TAF4: variants seen among roughly 807,000 people sequenced by gnomAD.
TAF4 encodes the protein transcription initiation factor TFIID subunit 4.
Under a neutral mutation model 90.3 loss-of-function variants are expected in TAF4, and 9 were observed. That is an observed-to-expected ratio of 0.10 (90% CI 0.06 to 0.17). TAF4 has a LOEUF of 0.17. TAF4 is among the 10% of genes least tolerant of loss of function. The pLI is 1.00. For synonymous variants in TAF4, 818 were observed against 638.9 expected, an observed-to-expected ratio of 1.28 and a Z score of -4.23; for missense variants, 1,351 against 1,370.7, an observed-to-expected ratio of 0.99 and a Z score of 0.23.
chr20:61,994,572 G>C (rs1272828194), intron 14 of TAF4, among the ~76,000 whole-genome samples: 1 of 152,156 alleles, frequency 6.6e-6, no homozygotes, highest in African/African-American at 2.4e-5. Context: ...GTTACACCTG[G>C]AGTCCCTCCT....
rs554603146 is a variant in TAF4 at position 62,014,473 on chromosome 20, G to A, written c.1521+74C>T. The A allele has an allele frequency of 1.9e-5, 28 of 1,477,346 alleles. 1 individual carries two copies. In the East Asian group the frequency reaches 6.6e-4, roughly 35 times the overall value. The allele number at this position is 1,477,346 out of a possible 1,614,324, so 91.5% of individuals were successfully genotyped here. A position where few individuals can be genotyped will look rare whatever the true frequency, so the allele number is the denominator to read the frequency against. ...CCCATGGCTGTGCCTGGCCCTTGCAGGTTTCCCCAGCATGCGTGGGGAGAG... is the reference window on the plus strand; with the variant it reads ...CCCATGGCTGTGCCTGGCCCTTGCAAGTTTCCCCAGCATGCGTGGGGAGAG... On this transcript the variant is annotated intron_variant, in intron 2 of 14. Transcript: ENST00000252996.
chr20:62,055,499 C>T (rs530755506), intron 1 of TAF4, among the ~76,000 whole-genome samples: 4 of 152,342 alleles, frequency 2.6e-5, no homozygotes, highest in East Asian at 3.9e-4. Context: ...AAAATCAATT[C>T]ACACTGCCTG....
chr20:62,030,566 T>C (rs1382823469), intron 1 of TAF4, among the ~76,000 whole-genome samples: 1 of 152,234 alleles, frequency 6.6e-6, no homozygotes, highest in Non-Finnish European at 1.5e-5. Flanking sequence ...CAATTAGCCC[T>C]GAAGCCAGAG....
intron 1 of TAF4, among the ~76,000 whole-genome samples, chr20:62,026,773 C>A (rs2055877341): frequency 1.3e-5 from 2 of 152,220 alleles, no homozygotes; most frequent in Admixed American, 1.3e-4. Flanking sequence ...TTGCTGCCGC[C>A]CCGTGAGTGG....
intron 1 of TAF4, among the ~76,000 whole-genome samples, chr20:62,032,493 G>C (rs897518463): frequency 7.9e-5 from 12 of 152,260 alleles, no homozygotes; most frequent in African/African-American, 2.9e-4. Context: ...GCCACAGGCA[G>C]CGCCTGCTGT....
intron 14 of TAF4, among the ~76,000 whole-genome samples, chr20:61,978,098 G>A (rs2055507939): frequency 8.4e-6 from 1 of 119,076 alleles, no homozygotes; most frequent in Non-Finnish European, 1.8e-5. Context: ...ACCAACCAAG[G>A]GAGGGCGCGA....
chr20:62,047,882 C>T (rs2056002616), intron 1 of TAF4, among the ~76,000 whole-genome samples: 2 of 152,230 alleles, frequency 1.3e-5, no homozygotes, highest in Admixed American at 1.3e-4. Flanking sequence ...TTTTTATAAA[C>T]ACCAGCACCC....
chr20:62,063,268 C>T (rs1460298043), intron 1 of TAF4, among the ~76,000 whole-genome samples: 2 of 152,216 alleles, frequency 1.3e-5, no homozygotes, highest in Non-Finnish European at 2.9e-5. Context: ...CCTTTCACTT[C>T]TGAAGATTCT....
intron 14 of TAF4, among the ~76,000 whole-genome samples, chr20:61,982,813 C>G (rs977203664): frequency 6.6e-6 from 1 of 152,226 alleles, no homozygotes; most frequent in African/African-American, 2.4e-5. Context: ...GACGGCAGGG[C>G]TGCCGGGGAG....
intron 1 of TAF4, among the ~76,000 whole-genome samples, chr20:62,054,101 A>G (rs745325883): frequency 6.6e-6 from 1 of 152,216 alleles, no homozygotes; most frequent in Non-Finnish European, 1.5e-5. Flanking sequence ...CACTCAGGAT[A>G]TTCCCTTCTG....
rs985476081 is a variant in TAF4, at chr20:62,029,053, G to A, written c.1361-14346C>T. Among the ~76,000 whole-genome samples, 6 of 152,076 alleles carry A rather than the reference G, an allele frequency of 3.9e-5. 1 individual carries two copies. The highest frequency in any genetic ancestry group is 2.9e-5 in the Non-Finnish European group (2 of 67,996). The stretch of plus-strand genomic sequence containing the variant: ...CCACTAAAAATACAAAAAATTAGCC[G>A]GGCACGGTGGTGGGCGCCTGTAGTC... On this transcript the variant is annotated intron_variant, in intron 1 of 14. Transcript: ENST00000252996.
At chr20:61,997,182 G>C (rs1204616094) in intron 14 of TAF4, among the ~76,000 whole-genome samples, 1 of 152,112 alleles carries the variant, frequency 6.6e-6, no homozygotes, top group African/African-American at 2.4e-5. Context: ...TTCATTCCAC[G>C]AACTGTCCAT....
chr20:62,047,524 C>T (rs184590170), intron 1 of TAF4, among the ~76,000 whole-genome samples: 1 of 152,308 alleles, frequency 6.6e-6, no homozygotes, highest in Admixed American at 6.5e-5. Flanking sequence ...ACCCTCCCCA[C>T]CCCCGCACAA....
intron 14 of TAF4, among the ~76,000 whole-genome samples, chr20:61,984,067 G>A (rs1371204314): frequency 3.3e-5 from 5 of 152,200 alleles, no homozygotes; most frequent in Non-Finnish European, 7.3e-5. Context: ...GCTAGCAGCA[G>A]TCATGGAACA....
At chr20:62,041,696 T>A (rs2055964680) in intron 1 of TAF4, among the ~76,000 whole-genome samples, 3 of 150,492 alleles carry the variant, frequency 2.0e-5, no homozygotes, top group Admixed American at 2.0e-4. Context: ...TTTGAGCGGG[T>A]GAGATGGGAA....
intron 14 of TAF4, 34 bp downstream of exon 14, chr20:61,997,516 C>T (rs1418565095): frequency 1.3e-6 from 2 of 1,520,252 alleles, no homozygotes; most frequent in Non-Finnish European, 8.8e-7. Context: ...CCCCATGTTT[C>T]CCCCAGGACC....
chr20:62,032,583 C>T (rs1407505007), intron 1 of TAF4, among the ~76,000 whole-genome samples: 2 of 152,260 alleles, frequency 1.3e-5, no homozygotes, highest in African/African-American at 4.8e-5. Flanking sequence ...ATCCCCAGCA[C>T]TCAACTCCCA....
chr20:62,027,483 G>C (rs145408584), intron 1 of TAF4, among the ~76,000 whole-genome samples: 2 of 152,110 alleles, frequency 1.3e-5, no homozygotes, highest in African/African-American at 4.8e-5. Flanking sequence ...AATCTCTTAA[G>C]TTCACACAAA....
Position 62,014,686 on chromosome 20 carries a change from T to G in TAF4, c.1382A>C (p.Glu461Ala). 1 of 1,613,844 alleles carries G rather than the reference T, an allele frequency of 6.2e-7. No homozygotes were observed. The highest frequency in any genetic ancestry group is 8.5e-7 in the Non-Finnish European group (1 of 1,179,944). Residue 461 changes from glutamate to alanine, a missense_variant, in exon 2 of 15, where the codon GAG becomes GCG. Around this residue, in one of 9 missense-constraint regions of TAF4, gnomAD observed 143 missense variants for 176.3 expected, o/e 0.81. Transcript: ENST00000252996. ...AGGAATCATTAACAACTGCCCATTC[T>G]CACTTCGGACGAGGACCATTCCTGC... ...LPPGMVLVRS[E>A]NGQLLMIPQQ...
Sources: gnomAD v4.1 joint callset for allele counts (sites outside exome capture counted in the v4.1 genomes callset) on GRCh38, gnomAD v4.1.1 for gene constraint, gnomAD v4.1.1 regional missense constraint, MANE v1.5 for transcripts, NCBI Gene and HGNC (gene_info 2026-07-23, HGNC 2026-07-21) for gene names.